Variants in NTRK3 observed in about 807,000 individuals in gnomAD.
NTRK3 encodes the protein NT-3 growth factor receptor.
Under a neutral mutation model 91.7 loss-of-function variants are expected in NTRK3, and 24 were observed. The observed-to-expected ratio is 0.26, with a 90% CI of 0.19 to 0.37. The LOEUF is 0.37. Among genes scored for constraint, NTRK3 ranks in the 10% least tolerant of loss-of-function variants. The probability of loss-of-function intolerance (pLI) is 1.00; values close to 1 mark genes in which losing one functional copy is unlikely to be tolerated. For missense variants in NTRK3, 880 were observed against 1,068.9 expected, an observed-to-expected ratio of 0.82 and a Z score of 2.46; for synonymous variants, 483 against 404.0, an observed-to-expected ratio of 1.20 and a Z score of -2.34.
rs116917998 is a variant in NTRK3 at position 88,167,991 on chromosome 15, T to C, written c.395+15427A>G. Among the ~76,000 whole-genome samples, 1,343 of 152,304 alleles carry C rather than the reference T, an allele frequency of 8.8e-3. 11 individuals carry two copies. Among genetic ancestry groups the C allele is most frequent in the Middle Eastern group, 0.024 (7 of 294 alleles). On this transcript the variant is annotated intron_variant, in intron 5 of 18. Coordinates refer to ENST00000394480, the Ensembl canonical transcript of NTRK3. ...AAACAAGCTTATGAGGGAGATGATT[T>C]TCTTACCAGAGGGAAGAGTCAGCTC...
chr15:88,228,476 C>A (rs1250126052), intron 3 of NTRK3, among the ~76,000 whole-genome samples: 1 of 152,174 alleles, frequency 6.6e-6, no homozygotes, highest in Non-Finnish European at 1.5e-5. Flanking sequence ...TCTGTCTACA[C>A]CTGCACTCAG....
At chr15:88,135,786 G>T in intron 9 of NTRK3, 113 bp downstream of exon 9, 1 of 1,402,252 alleles carries the variant, frequency 7.1e-7, no homozygotes, top group Non-Finnish European at 9.8e-7. Context: ...TGTCCCTACT[G>T]GTAGATCAGC....
At chr15:87,873,412 C>T (rs985898541) in exon 19 of NTRK3, 1 of 230,576 alleles carries the variant, frequency 4.3e-6, no homozygotes, top group Non-Finnish European at 8.6e-6. Flanking sequence ...TGGGAGGTCC[C>T]ATGGCCACAA....
intron 3 of NTRK3, among the ~76,000 whole-genome samples, chr15:88,189,296 G>A (rs1399339959): frequency 6.6e-6 from 1 of 152,178 alleles, no homozygotes; most frequent in Non-Finnish European, 1.5e-5. Context: ...AGAGACCTAG[G>A]ACCACAGATA....
intron 14 of NTRK3, among the ~76,000 whole-genome samples, chr15:87,958,684 A>C (rs149564084): frequency 1.3e-5 from 2 of 152,066 alleles, no homozygotes; most frequent in African/African-American, 4.8e-5. Context: ...CCACATCTGC[A>C]ATAGACCCTC....
At chr15:87,928,291 T>C (rs1052780877) in intron 17 of NTRK3, 2 of 152,246 alleles carry the variant, frequency 1.3e-5, no homozygotes, top group African/African-American at 4.8e-5. Context: ...GGATCTTCTG[T>C]ATTTTTTAGC....
In NTRK3 at chr15:88,143,095, C is replaced by T. The variant is rs566878066; in HGVS notation, c.464+4240G>A. ...AAAATTAACTGGGCATGGTGGTGCT[C>T]GCCTGTAATTCCAGCTACTTGGGAG... On this transcript the variant is annotated intron_variant, in intron 6 of 18. Transcript: ENST00000394480. 5.9e-5 allele frequency among the ~76,000 whole-genome samples: 9 copies of T among 152,092 alleles called. No homozygotes were observed. The South Asian group carries it at 1.2e-3, about 21-fold the overall frequency.
chr15:88,009,053 G>A (rs1398974171), intron 14 of NTRK3, among the ~76,000 whole-genome samples: 2 of 152,196 alleles, frequency 1.3e-5, no homozygotes, highest in Non-Finnish European at 2.9e-5. Flanking sequence ...TGAGAAGGAA[G>A]AGATCCCCAG....
intron 14 of NTRK3, among the ~76,000 whole-genome samples, chr15:88,030,371 A>C (rs559681246): frequency 6.6e-6 from 1 of 152,268 alleles, no homozygotes; most frequent in Non-Finnish European, 1.5e-5. Flanking sequence ...GATGTTCACC[A>C]GGCCCCATAG....
Position 88,243,536 on chromosome 15 carries a change from GCACACACACACACA to G in NTRK3, c.248+12356_248+12369del, listed in dbSNP as rs4034771. ...CACTTGATCCCATCCCCCATAGCAT[GCACACACACACACA>G]CACACACACACACACACACACACAC... On this transcript the variant is annotated intron_variant, in intron 3 of 18. Coordinates refer to ENST00000394480, the Ensembl canonical transcript of NTRK3. The surrounding 1 kb of genome is among the most constrained non-coding windows in gnomAD (Gnocchi z 4.8). Among the ~76,000 whole-genome samples the G allele has an allele frequency of 2.7e-4, 40 of 145,984 alleles. No individual in the cohort carries two copies. Among genetic ancestry groups the G allele is most frequent in the Admixed American group, 1.0e-3 (15 of 14,812 alleles).
At chr15:88,087,618 C>T (rs2048624746) in intron 13 of NTRK3, among the ~76,000 whole-genome samples, 1 of 152,184 alleles carries the variant, frequency 6.6e-6, no homozygotes, top group African/African-American at 2.4e-5. Flanking sequence ...GAAGGAGGCA[C>T]CATACATGGA....
rs77591878 is a variant in NTRK3, at chr15:87,909,594, G to A, written c.2133+19597C>T. Among the ~76,000 whole-genome samples, 857 of 152,278 alleles carry A rather than the reference G, an allele frequency of 5.6e-3. 13 individuals carry two copies. The highest frequency in any genetic ancestry group is 0.028 in the East Asian group (144 of 5,164). ...CGGAGATGAAAGAAAGGACAGATGG[G>A]CAGTTGGGAAGAGAAGGTGTGATGG... On this transcript the variant is annotated intron_variant, in intron 17 of 18. Coordinates refer to ENST00000394480, the Ensembl canonical transcript of NTRK3.
intron 14 of NTRK3, among the ~76,000 whole-genome samples, chr15:87,983,466 A>T (rs1440224291): frequency 6.6e-6 from 1 of 152,204 alleles, no homozygotes; most frequent in Admixed American, 6.5e-5. Flanking sequence ...GTACCATCAG[A>T]CATGTTGCTG....
rs139000733 is a variant in NTRK3 at position 88,200,317 on chromosome 15, G to C, written c.249-16018C>G. ...TAATCCCAACAGCAGGTATGGCCTG[G>C]AACTCCACTTCATTTATTTATAAGC... On this transcript the variant is annotated intron_variant, in intron 3 of 18. Coordinates refer to ENST00000394480, the Ensembl canonical transcript of NTRK3. 5.3e-5 allele frequency among the ~76,000 whole-genome samples: 8 copies of C among 152,300 alleles called. No individual in the cohort carries two copies. In the East Asian group the frequency reaches 1.5e-3, roughly 29 times the overall value.
At chr15:88,029,797 G>T (rs757756731) in intron 14 of NTRK3, among the ~76,000 whole-genome samples, 1 of 152,046 alleles carries the variant, frequency 6.6e-6, no homozygotes, top group African/African-American at 2.4e-5. Flanking sequence ...GTGGCTCATC[G>T]CACACAGGGA....
rs1295709565 is a variant in NTRK3, at chr15:88,238,765, A to G, written c.248+17141T>C. Among the ~76,000 whole-genome samples the G allele has an allele frequency of 4.6e-5, 7 of 152,226 alleles. No individual in the cohort carries two copies. The East Asian group carries it at 1.2e-3, about 25-fold the overall frequency. ...CTGTACAGGATTTCATCATCTCACT[A>G]TGCCGTGATTCAGCTCTTGATTCAA... On this transcript the variant is annotated intron_variant, in intron 3 of 18. Transcript: ENST00000394480.
chr15:88,092,102 A>C (rs558131566), intron 13 of NTRK3, among the ~76,000 whole-genome samples: 2 of 152,354 alleles, frequency 1.3e-5, no homozygotes, highest in Non-Finnish European at 2.9e-5. Flanking sequence ...AGCAGCACCA[A>C]AGCACAGGTT....
intron 3 of NTRK3, among the ~76,000 whole-genome samples, chr15:88,246,977 C>G (rs905177047): frequency 6.6e-6 from 1 of 152,234 alleles, no homozygotes; most frequent in Non-Finnish European, 1.5e-5. Context: ...AGGACCGTCT[C>G]GTGCGCCACA....
intron 10 of NTRK3, among the ~76,000 whole-genome samples, chr15:88,132,276 G>A (rs1489408390): frequency 6.6e-6 from 1 of 152,194 alleles, no homozygotes; most frequent in African/African-American, 2.4e-5. Flanking sequence ...CTTAACAATG[G>A]CCCACAGCTA....
Sources: gnomAD v4.1 joint callset for allele counts (sites outside exome capture counted in the v4.1 genomes callset) on GRCh38, gnomAD v4.1.1 for gene constraint, Gnocchi (gnomAD v3.1) non-coding constraint, MANE v1.5 for transcripts, NCBI Gene and HGNC (gene_info 2026-07-23, HGNC 2026-07-21) for gene names.